HEATR5B: variants seen among roughly 807,000 people sequenced by gnomAD.
The protein encoded by HEATR5B is HEAT repeat-containing protein 5B.
Under a neutral mutation model 224.1 loss-of-function variants are expected in HEATR5B, and 156 were observed. The ratio of observed to expected loss-of-function variants is 0.70; its 90% confidence interval spans 0.61 to 0.80. The LOEUF (loss-of-function observed/expected upper bound fraction) is 0.80, where lower values mean the gene tolerates loss of function less well. HEATR5B is among the 30% of genes least tolerant of loss of function. The probability of loss-of-function intolerance (pLI) is 0.00; values close to 1 mark genes in which losing one functional copy is unlikely to be tolerated. For missense variants in HEATR5B, 2,323 were observed against 2,535.5 expected (o/e 0.92, Z 1.80); for synonymous variants, 1,027 against 893.0 (o/e 1.15, Z -2.68).
chr2:37,038,051 A>G, intron 20 of HEATR5B, 27 bp from the exon 21 acceptor site: 1 of 1,416,074 alleles, frequency 7.1e-7, no homozygotes, highest in Admixed American at 2.3e-5. Context: ...GAAAATATAA[A>G]ATATAATTAT....
rs1390207439 is a variant in HEATR5B, at chr2:37,019,260, T to A, written c.4104+549A>T. Among the ~76,000 whole-genome samples the A allele has an allele frequency of 2.6e-5, 4 of 152,006 alleles. No homozygotes were observed. In the East Asian group the frequency reaches 7.7e-4, roughly 29 times the overall value. On this transcript the variant is annotated intron_variant, in intron 26 of 35. Transcript: ENST00000233099. Reference sequence around the variant, plus strand: ...CCCTGGGATTAATTTTGCAATGAAATGTCTATATTGTGAAATTCTCCTTAG... The same window carrying A: ...CCCTGGGATTAATTTTGCAATGAAAAGTCTATATTGTGAAATTCTCCTTAG...
intron 18 of HEATR5B, among the ~76,000 whole-genome samples, chr2:37,048,777 C>G (rs1017821218): frequency 6.6e-6 from 1 of 152,158 alleles, no homozygotes; most frequent in African/African-American, 2.4e-5. Flanking sequence ...CTCATACTAT[C>G]CTTAGTGCAT....
chr2:37,078,132 G>A (rs1672346778), intron 3 of HEATR5B, among the ~76,000 whole-genome samples: 1 of 152,196 alleles, frequency 6.6e-6, no homozygotes, highest in South Asian at 2.1e-4. Flanking sequence ...GAAGTGGGCA[G>A]GTGGTCTACC....
chr2:37,000,714 C>G lies in HEATR5B; in HGVS notation c.5417G>C (p.Ser1806Thr), dbSNP rs754758088. 24 of 1,614,020 alleles carry G rather than the reference C, an allele frequency of 1.5e-5. No homozygotes were observed. The South Asian group carries it at 2.5e-4, about 17-fold the overall frequency. Residue 1806 changes from serine to threonine, a missense_variant, in exon 33 of 36, where the codon AGT becomes ACT. By Grantham distance (58) the Ser-to-Thr change is moderately conservative. Coordinates refer to ENST00000233099, the MANE Select transcript of HEATR5B (RefSeq NM_019024.3). The part of the protein sequence containing the change: ...SADNQVPPPV[S>T]AALQGIKSIV... Reference sequence around the variant, plus strand: ...ACTTTTAATCCCTTGAAGAGCTGCACTGACTGGTGGAGGAACCTGATTATC... The same window carrying G: ...ACTTTTAATCCCTTGAAGAGCTGCAGTGACTGGTGGAGGAACCTGATTATC...
intron 18 of HEATR5B, among the ~76,000 whole-genome samples, chr2:37,045,867 C>T (rs760937324): frequency 1.3e-4 from 20 of 152,170 alleles, no homozygotes; most frequent in Non-Finnish European, 1.9e-4. Flanking sequence ...AATCACTGTC[C>T]TATGCTGGCT....
intron 16 of HEATR5B, among the ~76,000 whole-genome samples, chr2:37,054,920 A>G (rs1338418636): frequency 6.6e-6 from 1 of 152,244 alleles, no homozygotes; most frequent in Non-Finnish European, 1.5e-5. Flanking sequence ...AATCTCCCTG[A>G]GGTCGCTGTA....
At chr2:37,077,155 T>C (rs1672285024) in intron 3 of HEATR5B, 136 bp from the exon 4 acceptor site, 2 of 666,962 alleles carry the variant, frequency 3.0e-6, no homozygotes, top group South Asian at 1.8e-5. Flanking sequence ...TCAAAAACAA[T>C]TTATGCTTCA....
rs748006590 is a variant in HEATR5B at position 37,065,908 on chromosome 2, C to T, written c.1180G>A (p.Ala394Thr). 7 of 1,601,388 alleles carry T rather than the reference C, an allele frequency of 4.4e-6. No individual in the cohort carries two copies. Among genetic ancestry groups the T allele is most frequent in the South Asian group, 1.1e-5 (1 of 90,230 alleles). The change falls in exon 9 of 36, where the codon GCA becomes ACA. Residue 394 changes from alanine to threonine, a missense_variant and splice_region_variant. Ala to Thr is a moderately conservative substitution (Grantham distance 58). This residue lies in a region of HEATR5B where 502 missense variants were observed against 517.8 expected (regional missense o/e 0.97). Coordinates refer to ENST00000233099, the MANE Select transcript of HEATR5B (RefSeq NM_019024.3). ...AIGKQMKAVEAVVNDTSGENK... is the reference protein window; with the variant it reads ...AIGKQMKAVETVVNDTSGENK... Reference sequence around the variant, plus strand: ...TCTCCACTTGTGTCATTCACTACTGCTTCTGGAAACACAAAATCATGTCTT... The same window carrying T: ...TCTCCACTTGTGTCATTCACTACTGTTTCTGGAAACACAAAATCATGTCTT...
chr2:37,080,785 A>C (rs1239314173), intron 2 of HEATR5B, among the ~76,000 whole-genome samples: 1 of 152,162 alleles, frequency 6.6e-6, no homozygotes, highest in Non-Finnish European at 1.5e-5. Flanking sequence ...TTAAAAAAAA[A>C]AAAATGCCCT....
At chr2:37,071,679 C>CTTT (rs869279842) in intron 6 of HEATR5B, among the ~76,000 whole-genome samples, 1 of 138,722 alleles carries the variant, frequency 7.2e-6, no homozygotes, top group Admixed American at 7.2e-5. Context: ...CATTTGGGTT[C>CTTT]TTTTTTTTTT....
chr2:37,051,781 C>G (rs959130593), intron 17 of HEATR5B, among the ~76,000 whole-genome samples: 1 of 152,056 alleles, frequency 6.6e-6, no homozygotes, highest in Non-Finnish European at 1.5e-5. Context: ...GCTCTGTCCC[C>G]CAGGCTGGAG....
chr2:37,084,205 C>T, intron 1 of HEATR5B, 64 bp downstream of exon 1: 1 of 345,290 alleles, frequency 2.9e-6, no homozygotes. Flanking sequence ...CTTCCCCACC[C>T]GTCTGAAAAT....
intron 30 of HEATR5B, among the ~76,000 whole-genome samples, chr2:37,005,296 C>CT (rs1231519983): frequency 6.6e-6 from 1 of 152,208 alleles, no homozygotes; most frequent in Non-Finnish European, 1.5e-5. Context: ...ATTGCCCACT[C>CT]TGAGAAACCA....
At chr2:37,063,245 A>G (rs1671391086) in intron 10 of HEATR5B, among the ~76,000 whole-genome samples, 1 of 152,206 alleles carries the variant, frequency 6.6e-6, no homozygotes, top group Non-Finnish European at 1.5e-5. Flanking sequence ...TCCACACAGA[A>G]TGGCTAGTAT....
At chr2:37,048,020 C>A (rs895184162) in intron 18 of HEATR5B, among the ~76,000 whole-genome samples, 5 of 152,066 alleles carry the variant, frequency 3.3e-5, no homozygotes, top group African/African-American at 1.2e-4. Context: ...GTAACAAAAT[C>A]TTCGTAATAA....
intron 33 of HEATR5B, 84 bp from the exon 34 acceptor site, chr2:36,990,883 T>C: frequency 1.7e-6 from 2 of 1,179,850 alleles, no homozygotes; most frequent in Non-Finnish European, 2.3e-6. Flanking sequence ...AGAGACGTTG[T>C]CTTGCCATGT....
At chr2:36,992,511 G>A (rs145129638) in intron 33 of HEATR5B, among the ~76,000 whole-genome samples, 61 of 151,838 alleles carry the variant, frequency 4.0e-4, no homozygotes, top group African/African-American at 1.5e-3. Flanking sequence ...AGCCCTAGAG[G>A]TTAAGGTGGC....
At chr2:37,068,313 G>C (rs1351170958) in intron 8 of HEATR5B, among the ~76,000 whole-genome samples, 1 of 152,070 alleles carries the variant, frequency 6.6e-6, no homozygotes, top group Non-Finnish European at 1.5e-5. Flanking sequence ...AGCCTACGAG[G>C]GGAGGAAAAG....
chr2:37,048,244 G>C (rs1329257282), intron 18 of HEATR5B, among the ~76,000 whole-genome samples: 1 of 151,558 alleles, frequency 6.6e-6, no homozygotes, highest in African/African-American at 2.4e-5. Flanking sequence ...GACAGTAATG[G>C]CATGATCTTG....
Sources: gnomAD v4.1 joint callset for allele counts (sites outside exome capture counted in the v4.1 genomes callset) on GRCh38, gnomAD v4.1.1 for gene constraint, gnomAD v4.1.1 regional missense constraint, MANE v1.5 for transcripts, NCBI Gene and HGNC (gene_info 2026-07-23, HGNC 2026-07-21) for gene names.